Variants in WSCD2 observed in about 807,000 individuals in gnomAD.
WSCD2 encodes the protein sialate:O-sulfotransferase 2.
Under a neutral mutation model 55.7 loss-of-function variants are expected in WSCD2, and 28 were observed. The ratio of observed to expected loss-of-function variants is 0.50; its 90% CI spans 0.37 to 0.69. The LOEUF (loss-of-function observed/expected upper bound fraction) is 0.69. Ranked by LOEUF, WSCD2 falls within the 30% of genes least tolerant of loss-of-function variation. WSCD2 has a pLI of 0.00. For missense variants in WSCD2, 616 were observed against 762.1 expected (o/e 0.81, Z 2.26); for synonymous variants, 301 against 301.9 (o/e 1.00, Z 0.03).
intron 1 of WSCD2, among the ~76,000 whole-genome samples, chr12:108,163,000 A>C (rs901407073): frequency 6.6e-6 from 1 of 152,166 alleles, no homozygotes; most frequent in African/African-American, 2.4e-5. Flanking sequence ...GTGATGCCTC[A>C]TTGTATAGGC....
At position 108,248,271 on chromosome 12, in the gene WSCD2, C is replaced by T. The variant is rs771233852; in HGVS notation, c.1626C>T (p.Tyr542=). ...ACATGCAGAAGACCATCTCTGCCTA[C>T]ATCAAGATGGTGGATGCAGCCCTCA... ...TADMQKTISA[Y]IKMVDAALKG... Residue 542 remains tyrosine (Y), a synonymous_variant, in exon 9 of 9, where the codon TAC becomes TAT. Coordinates refer to ENST00000547525, the MANE Select transcript of WSCD2 (RefSeq NM_014653.4). The surrounding 1 kb of genome is among the most constrained non-coding windows in gnomAD (Gnocchi z 4.3). The T allele has an allele frequency of 6.2e-6, 10 of 1,614,118 alleles. No homozygotes were observed. In the East Asian group the frequency reaches 1.8e-4, roughly 29 times the overall value.
At chr12:108,184,370 G>A (rs2137010895) in intron 1 of WSCD2, among the ~76,000 whole-genome samples, 1 of 152,300 alleles carries the variant, frequency 6.6e-6, no homozygotes, top group East Asian at 1.9e-4. Flanking sequence ...TGGGTGATTT[G>A]GGGGTGGGGA....
intron 1 of WSCD2, among the ~76,000 whole-genome samples, chr12:108,181,224 T>G (rs968990042): frequency 1.3e-5 from 2 of 152,188 alleles, no homozygotes; most frequent in African/African-American, 4.8e-5. Flanking sequence ...CTCCCTGGGA[T>G]GCAACCAGAC....
intron 2 of WSCD2, among the ~76,000 whole-genome samples, chr12:108,205,041 A>T (rs543729323): frequency 5.3e-5 from 8 of 152,204 alleles, no homozygotes; most frequent in Non-Finnish European, 1.2e-4. Context: ...CTGGATTTAA[A>T]CATTTATTCT....
At chr12:108,217,868 C>CT (rs1361420937) in intron 4 of WSCD2, among the ~76,000 whole-genome samples, 1 of 152,218 alleles carries the variant, frequency 6.6e-6, no homozygotes, top group Non-Finnish European at 1.5e-5. Context: ...GCCCTCCTCT[C>CT]TAAGCTGGGA....
chr12:108,201,519 T>TGG (rs34937873), intron 2 of WSCD2, among the ~76,000 whole-genome samples: 3 of 128,050 alleles, frequency 2.3e-5, no homozygotes, highest in South Asian at 2.9e-4. Context: ...GGGGTGTGGG[T>TGG]GGGGGGCGGG....
intron 7 of WSCD2, among the ~76,000 whole-genome samples, chr12:108,234,520 C>A (rs910644303): frequency 1.3e-5 from 2 of 152,190 alleles, no homozygotes; most frequent in African/African-American, 4.8e-5. Flanking sequence ...TTATTAAGCA[C>A]CTATTACTTA....
intron 1 of WSCD2, among the ~76,000 whole-genome samples, chr12:108,155,549 G>C (rs563466861): frequency 7.2e-5 from 11 of 152,294 alleles, no homozygotes; most frequent in Non-Finnish European, 1.6e-4. Context: ...ATGACTGGAA[G>C]ACCCCAGGAG....
At chr12:108,154,892 A>T (rs551456063) in intron 1 of WSCD2, among the ~76,000 whole-genome samples, 1 of 152,328 alleles carries the variant, frequency 6.6e-6, no homozygotes, top group Admixed American at 6.5e-5. Flanking sequence ...TTTTGTAACT[A>T]TTCCCATTAA....
intron 4 of WSCD2, among the ~76,000 whole-genome samples, chr12:108,220,105 AG>A (rs1887316743): frequency 6.6e-6 from 1 of 152,224 alleles, no homozygotes; most frequent in African/African-American, 2.4e-5. Context: ...GAGACAGCCC[AG>A]GACAGTGCAA....
intron 4 of WSCD2, among the ~76,000 whole-genome samples, chr12:108,212,613 TCACACACACACACACACACACATTCAGA>T (rs1886349315): frequency 7.2e-6 from 1 of 138,546 alleles, no homozygotes; most frequent in South Asian, 2.4e-4. Flanking sequence ...TCTCTCTCTC[TCACACACACACACACACACACATTCAGA>T]CACACACACA....
At chr12:108,203,539 C>A (rs1488084791) in intron 2 of WSCD2, among the ~76,000 whole-genome samples, 2 of 152,198 alleles carry the variant, frequency 1.3e-5, no homozygotes, top group African/African-American at 4.8e-5. Context: ...ATCATGTCTC[C>A]TGTGGTCAGG....
At chr12:108,131,983 G>T (rs930008147) in intron 1 of WSCD2, 1 of 152,474 alleles carries the variant, frequency 6.6e-6, no homozygotes, top group East Asian at 1.9e-4. Context: ...GGCAGACAAG[G>T]CTACTGTTCT....
intron 1 of WSCD2, among the ~76,000 whole-genome samples, chr12:108,193,496 T>C (rs1192017361): frequency 1.3e-5 from 2 of 151,694 alleles, no homozygotes; most frequent in African/African-American, 4.8e-5. Flanking sequence ...TTCAGATGGA[T>C]AGATGAATGG....
intron 1 of WSCD2, among the ~76,000 whole-genome samples, chr12:108,160,130 G>A (rs1325850172): frequency 1.3e-5 from 2 of 152,194 alleles, no homozygotes; most frequent in South Asian, 4.1e-4. Context: ...TGCTGAAGGT[G>A]AGCTTCTTTC....
chr12:108,149,217 A>T (rs888367009), intron 1 of WSCD2, among the ~76,000 whole-genome samples: 3 of 152,214 alleles, frequency 2.0e-5, no homozygotes, highest in African/African-American at 7.2e-5. Context: ...AGAGAATGGG[A>T]CTGCGGGATT....
chr12:108,183,816 A>G (rs908191692), intron 1 of WSCD2, among the ~76,000 whole-genome samples: 1 of 152,068 alleles, frequency 6.6e-6, no homozygotes, highest in Non-Finnish European at 1.5e-5. Flanking sequence ...GCCTGGGTTG[A>G]GTCTTGTTCT....
At chr12:108,230,090 T>C (rs568418747) in intron 6 of WSCD2, among the ~76,000 whole-genome samples, 1 of 152,344 alleles carries the variant, frequency 6.6e-6, no homozygotes, top group South Asian at 2.1e-4. Flanking sequence ...ATTGGTTATA[T>C]AATTCAATAT....
intron 1 of WSCD2, among the ~76,000 whole-genome samples, chr12:108,135,783 C>CTA (rs1350652571): frequency 1.3e-5 from 2 of 152,224 alleles, no homozygotes; most frequent in African/African-American, 4.8e-5. Flanking sequence ...GGCCAACAAA[C>CTA]TATGGCCCAC....
Sources: allele counts gnomAD v4.1 joint callset (sites outside exome capture counted in the v4.1 genomes callset), GRCh38; gene constraint gnomAD v4.1.1; non-coding constraint Gnocchi (gnomAD v3.1); transcripts MANE v1.5; gene names NCBI Gene and HGNC (gene_info 2026-07-23, HGNC 2026-07-21).